SGCZ: variants seen among roughly 807,000 people sequenced by gnomAD.
SGCZ encodes the protein zeta-sarcoglycan.
In SGCZ, 40 loss-of-function variants were observed where a neutral mutation model predicts 41.3. That is an observed-to-expected ratio of 0.97 (90% CI 0.75 to 1.26). The LOEUF (loss-of-function observed/expected upper bound fraction) is 1.26, where lower values mean the gene tolerates loss of function less well. Ranked by LOEUF, SGCZ falls within the 50% of genes most tolerant of loss-of-function variation. The pLI, the probability that SGCZ is intolerant of heterozygous loss-of-function variation, is 0.00. For synonymous variants in SGCZ, 206 were observed against 137.5 expected (o/e 1.50, Z -3.49); for missense variants, 552 against 369.8 (o/e 1.49, Z -4.04).
chr8:14,533,249 C>A (rs981746443), intron 2 of SGCZ, among the ~76,000 whole-genome samples: 2 of 151,426 alleles, frequency 1.3e-5, no homozygotes, highest in Non-Finnish European at 1.5e-5. Flanking sequence ...AATTGCATTA[C>A]TTTCTTTCCA....
intron 2 of SGCZ, among the ~76,000 whole-genome samples, chr8:14,339,622 G>C (rs1802631869): frequency 6.6e-6 from 1 of 152,078 alleles, no homozygotes; most frequent in South Asian, 2.1e-4. Context: ...TAGGAGGTTG[G>C]TACTTGAATA....
intron 2 of SGCZ, among the ~76,000 whole-genome samples, chr8:14,344,239 T>C (rs1585387784): frequency 6.6e-6 from 1 of 151,574 alleles, no homozygotes; most frequent in Non-Finnish European, 1.5e-5. Context: ...ATAAGGAAAA[T>C]ATCTAAGCTA....
chr8:14,589,323 A>T (rs1585104631), intron 1 of SGCZ, among the ~76,000 whole-genome samples: 1 of 146,290 alleles, frequency 6.8e-6, no homozygotes, highest in African/African-American at 2.5e-5. Context: ...TCCAGCCTGG[A>T]TGACAGAGTG....
chr8:14,139,298 G>A (rs148097274), intron 5 of SGCZ, among the ~76,000 whole-genome samples: 1 of 152,110 alleles, frequency 6.6e-6, no homozygotes, highest in Non-Finnish European at 1.5e-5. Context: ...AGAAGCAAGA[G>A]CAAACACATT....
At chr8:14,889,539 A>G (rs1804932611) in intron 1 of SGCZ, among the ~76,000 whole-genome samples, 1 of 152,078 alleles carries the variant, frequency 6.6e-6, no homozygotes, top group South Asian at 2.1e-4. Flanking sequence ...GGGTTAGAAG[A>G]GTTGGGCAAG....
intron 2 of SGCZ, among the ~76,000 whole-genome samples, chr8:14,480,272 AACAGCGTCT>A (rs1801499478): frequency 6.6e-6 from 1 of 152,202 alleles, no homozygotes; most frequent in Non-Finnish European, 1.5e-5. Flanking sequence ...TACACTTAGC[AACAGCGTCT>A]ACATTCTACT....
chr8:15,018,967 T>C (rs1803146051), intron 1 of SGCZ, among the ~76,000 whole-genome samples: 1 of 152,126 alleles, frequency 6.6e-6, no homozygotes, highest in Non-Finnish European at 1.5e-5. Context: ...AAGGGATGTC[T>C]TACATGGCCG....
chr8:14,838,763 G>T (rs968775283), intron 1 of SGCZ, among the ~76,000 whole-genome samples: 12 of 151,994 alleles, frequency 7.9e-5, no homozygotes, highest in Non-Finnish European at 1.3e-4. Flanking sequence ...GTTTTCTTGT[G>T]CCTCCCTTGT....
At chr8:14,806,743 C>T (rs1371755410) in intron 1 of SGCZ, among the ~76,000 whole-genome samples, 2 of 152,182 alleles carry the variant, frequency 1.3e-5, no homozygotes, top group Admixed American at 6.5e-5. Flanking sequence ...GAGTTAGCAT[C>T]ATTCTGATAC....
chr8:14,914,757 T>C (rs1327235890), intron 1 of SGCZ, among the ~76,000 whole-genome samples: 1 of 152,134 alleles, frequency 6.6e-6, no homozygotes, highest in Non-Finnish European at 1.5e-5. Flanking sequence ...ACAAATACAA[T>C]TCATTTCTTT....
intron 1 of SGCZ, among the ~76,000 whole-genome samples, chr8:14,680,320 C>G (rs1808401567): frequency 6.6e-6 from 1 of 152,016 alleles, no homozygotes; most frequent in Non-Finnish European, 1.5e-5. Context: ...ACATACAACA[C>G]CAAAAGGGAA....
chr8:14,452,984 T>TC (rs1363521977), intron 2 of SGCZ, among the ~76,000 whole-genome samples: 1 of 151,886 alleles, frequency 6.6e-6, no homozygotes, highest in African/African-American at 2.4e-5. Flanking sequence ...ACACCTGTAA[T>TC]CCCAGCTACT....
intron 3 of SGCZ, among the ~76,000 whole-genome samples, chr8:14,321,624 G>C (rs1801921241): frequency 6.6e-6 from 1 of 152,094 alleles, no homozygotes; most frequent in Non-Finnish European, 1.5e-5. Context: ...GGCATTAATA[G>C]AGGTTAAACA....
At chr8:14,139,248 T>C (rs569060914) in intron 5 of SGCZ, among the ~76,000 whole-genome samples, 61 of 152,218 alleles carry the variant, frequency 4.0e-4, no homozygotes, top group African/African-American at 1.5e-3. Flanking sequence ...GCAGGAAAGA[T>C]CTAAAATTGA....
At chr8:14,482,927 G>C (rs918093161) in intron 2 of SGCZ, among the ~76,000 whole-genome samples, 4 of 151,916 alleles carry the variant, frequency 2.6e-5, no homozygotes, top group African/African-American at 7.3e-5. Context: ...CTAACAGTGG[G>C]GACTTTTCAG....
chr8:14,963,977 T>A (rs1801050046), intron 1 of SGCZ, among the ~76,000 whole-genome samples: 1 of 152,162 alleles, frequency 6.6e-6, no homozygotes, highest in Non-Finnish European at 1.5e-5. Context: ...AGCACGTGGA[T>A]CCAATAAAGG....
intron 1 of SGCZ, among the ~76,000 whole-genome samples, chr8:15,186,257 C>T (rs1417002593): frequency 2.5e-5 from 2 of 78,642 alleles, no homozygotes; most frequent in Admixed American, 1.8e-4. Context: ...GGGAAGATTC[C>T]GTACCAAAAA....
chr8:14,772,567 C>A (rs1178897090), intron 1 of SGCZ, among the ~76,000 whole-genome samples: 15 of 139,448 alleles, frequency 1.1e-4, no homozygotes, highest in Admixed American at 5.0e-4. Context: ...TCCTAATGCT[C>A]TCCCTCCCCC....
chr8:14,381,800 A>C (rs1804376673), intron 2 of SGCZ, among the ~76,000 whole-genome samples: 1 of 152,012 alleles, frequency 6.6e-6, no homozygotes, highest in African/African-American at 2.4e-5. Flanking sequence ...AAAAAACAAA[A>C]AACAAAAAAC....
Sources: allele counts gnomAD v4.1 joint callset (sites outside exome capture counted in the v4.1 genomes callset), GRCh38; gene constraint gnomAD v4.1.1; transcripts MANE v1.5; gene names NCBI Gene and HGNC (gene_info 2026-07-23, HGNC 2026-07-21).